The following DOCK1 variants were observed in gnomAD, a reference collection of about 807,000 sequenced individuals.
DOCK1 encodes the protein dedicator of cytokinesis protein 1.
A neutral mutation model predicts 262.7 loss-of-function variants in DOCK1; 138 were observed. That is an observed-to-expected ratio of 0.53 (90% CI 0.46 to 0.61). The LOEUF is 0.61. Among genes scored for constraint, DOCK1 ranks in the 20% least tolerant of loss-of-function variants. The pLI is 0.00. For missense variants in DOCK1, 1,908 were observed against 2,370.7 expected (o/e 0.80, Z 4.05); for synonymous variants, 866 against 867.4 (o/e 1.00, Z 0.03).
chr10:126,998,143 C>T lies in DOCK1; in HGVS notation c.661C>T (p.Pro221Ser), dbSNP rs564724729. ...CAGACAAGCCAAGTTTGCTGCAACC[C>T]CTTCTCTGGCCTTGTTTGTGAACCT... ...INRQAKFAAT[P>S]SLALFVNLKN... The change falls in exon 8 of 52, where the codon CCT (proline) becomes TCT (serine). Residue 221 changes from proline (P) to serine (S), a missense_variant. Coordinates refer to ENST00000623213, the MANE Select transcript of DOCK1 (RefSeq NM_001290223.2). 5.0e-6 allele frequency: 8 copies of T among 1,614,020 alleles called. No individual in the cohort carries two copies. The South Asian group carries it at 6.6e-5, about 13-fold the overall frequency.
chr10:126,964,696 T>C (rs2037527768), intron 1 of DOCK1, among the ~76,000 whole-genome samples: 1 of 152,146 alleles, frequency 6.6e-6, no homozygotes. Context: ...CTGAGCCGAG[T>C]TGATTTCAAG....
intron 13 of DOCK1, among the ~76,000 whole-genome samples, chr10:127,021,404 A>G (rs773928790): frequency 1.4e-4 from 21 of 152,126 alleles, no homozygotes; most frequent in African/African-American, 4.8e-4. Flanking sequence ...AGCTCAGGCA[A>G]TTCACCCACC....
chr10:127,228,090 C>T (rs2134519455), intron 27 of DOCK1, among the ~76,000 whole-genome samples: 1 of 152,274 alleles, frequency 6.6e-6, no homozygotes, highest in Non-Finnish European at 1.5e-5. Flanking sequence ...TGTTAAAAAT[C>T]AAAACGATTT....
At chr10:127,049,119 A>T (rs1406810465) in intron 21 of DOCK1, among the ~76,000 whole-genome samples, 1 of 152,226 alleles carries the variant, frequency 6.6e-6, no homozygotes, top group African/African-American at 2.4e-5. Flanking sequence ...TTTAAAACAA[A>T]CATAAAAGGA....
intron 27 of DOCK1, among the ~76,000 whole-genome samples, chr10:127,237,977 C>T (rs2059131139): frequency 6.6e-6 from 1 of 152,170 alleles, no homozygotes; most frequent in South Asian, 2.1e-4. Context: ...TAACATTTTG[C>T]CATGTCTGCA....
intron 6 of DOCK1, among the ~76,000 whole-genome samples, chr10:126,994,153 A>G (rs1389479660): frequency 6.6e-6 from 1 of 152,208 alleles, no homozygotes; most frequent in Non-Finnish European, 1.5e-5. Flanking sequence ...TTTGTTAACA[A>G]GAAAGCCAGA....
chr10:127,286,374 C>T (rs2061153418), intron 29 of DOCK1, among the ~76,000 whole-genome samples: 1 of 152,148 alleles, frequency 6.6e-6, no homozygotes, highest in South Asian at 2.1e-4. Context: ...TTCATTGTTT[C>T]TGTTGAAGGT....
intron 27 of DOCK1, among the ~76,000 whole-genome samples, chr10:127,171,990 C>G (rs1021867703): frequency 1.1e-4 from 16 of 152,330 alleles, no homozygotes; most frequent in Admixed American, 1.0e-3. Flanking sequence ...CAGGCATGAT[C>G]CACCGTGCCC....
chr10:127,383,622 C>T (rs1222171894), intron 37 of DOCK1, among the ~76,000 whole-genome samples: 1 of 152,210 alleles, frequency 6.6e-6, no homozygotes, highest in African/African-American at 2.4e-5. Context: ...GCGGGAGGTG[C>T]TCCCCAGCCC....
intron 27 of DOCK1, among the ~76,000 whole-genome samples, chr10:127,220,092 TG>T (rs1338226970): frequency 1.3e-5 from 2 of 151,814 alleles, no homozygotes; most frequent in Non-Finnish European, 2.9e-5. Flanking sequence ...GAGAAAAAAA[TG>T]TTCAAAGATT....
chr10:127,120,970 G>A (rs2049522745), intron 25 of DOCK1, among the ~76,000 whole-genome samples: 1 of 152,086 alleles, frequency 6.6e-6, no homozygotes, highest in Non-Finnish European at 1.5e-5. Flanking sequence ...CCTGGGAGAC[G>A]ACCAACAGCA....
At chr10:127,230,272 T>A (rs1024422370) in intron 27 of DOCK1, among the ~76,000 whole-genome samples, 5 of 152,332 alleles carry the variant, frequency 3.3e-5, no homozygotes, top group Non-Finnish European at 7.4e-5. Context: ...TAGTTTGATT[T>A]AACATCATTT....
Position 126,965,788 on chromosome 10 carries a change from T to C in DOCK1, c.47-4914T>C, listed in dbSNP as rs1304490856. ...ATGATATAATAATTGTATGTATTTATGGGGTACACCTTCATGTGGTACATA... is the reference window on the plus strand; with the variant it reads ...ATGATATAATAATTGTATGTATTTACGGGGTACACCTTCATGTGGTACATA... On this transcript the variant is annotated intron_variant, in intron 1 of 51. Transcript: ENST00000623213. Among the ~76,000 whole-genome samples the C allele has an allele frequency of 5.9e-5, 9 of 152,206 alleles. No homozygotes were observed. The East Asian group carries it at 1.3e-3, about 23-fold the overall frequency.
intron 44 of DOCK1, among the ~76,000 whole-genome samples, chr10:127,417,460 A>G (rs974086046): frequency 1.3e-4 from 20 of 152,134 alleles, no homozygotes; most frequent in African/African-American, 4.6e-4. Context: ...TCAGTCCCCT[A>G]CCTCCTGCAC....
chr10:127,433,570 G>A lies in DOCK1; in HGVS notation c.5060+142G>A, dbSNP rs147666512. 1,336 of 1,194,042 alleles carry A rather than the reference G, an allele frequency of 1.1e-3. 8 individuals carry two copies. The African/African-American group carries it at 0.018, about 16-fold the overall frequency. The allele number at this position is 1,194,042 out of a possible 1,614,324, so 74.0% of individuals were successfully genotyped here. A position where few individuals can be genotyped will look rare whatever the true frequency, so the allele number is the denominator to read the frequency against. Reference sequence around the variant, plus strand: ...ATTATCTTTGAAACTGAGACCCTCCGAGACTTTCTGACCGTAGTGCCCAAT... The same window carrying A: ...ATTATCTTTGAAACTGAGACCCTCCAAGACTTTCTGACCGTAGTGCCCAAT... On this transcript the variant is annotated intron_variant, in intron 48 of 51. Transcript: ENST00000623213.
intron 1 of DOCK1, among the ~76,000 whole-genome samples, chr10:126,907,588 G>A (rs7072109): frequency 1.1e-3 from 160 of 152,240 alleles, no homozygotes; most frequent in African/African-American, 3.4e-3. Flanking sequence ...TCTTTGGGAC[G>A]CCACATTTTA....
chr10:127,249,536 G>A (rs1487655168), intron 28 of DOCK1, among the ~76,000 whole-genome samples: 1 of 152,058 alleles, frequency 6.6e-6, no homozygotes, highest in African/African-American at 2.4e-5. Context: ...GCCTCATAGT[G>A]TGTACCCTTA....
intron 1 of DOCK1, among the ~76,000 whole-genome samples, chr10:126,918,955 C>CGG (rs1554955665): frequency 0.027 from 4,030 of 149,688 alleles, 200 homozygotes; most frequent in South Asian, 0.051. Context: ...CAGATGGGCA[C>CGG]AGAGGATTTG....
chr10:127,110,793 GA>G (rs1242752952), intron 25 of DOCK1, among the ~76,000 whole-genome samples: 1 of 152,174 alleles, frequency 6.6e-6, no homozygotes, highest in Non-Finnish European at 1.5e-5. Context: ...AAAGTAATAA[GA>G]ATTTCAATGA....
Sources: gnomAD v4.1 joint callset for allele counts (sites outside exome capture counted in the v4.1 genomes callset) on GRCh38, gnomAD v4.1.1 for gene constraint, MANE v1.5 for transcripts, NCBI Gene and HGNC (gene_info 2026-07-23, HGNC 2026-07-21) for gene names.